SLC35F5: variants seen among roughly 807,000 people sequenced by gnomAD.
SLC35F5 encodes solute carrier family 35 member F5, also known as HCV NS5A-transactivated protein 3.
A neutral mutation model predicts 68.6 loss-of-function variants in SLC35F5; 54 were observed. The observed-to-expected ratio is 0.79, with a 90% confidence interval of 0.63 to 0.99. The LOEUF is 0.99. Ranked by LOEUF, SLC35F5 falls within the 50% of genes least tolerant of loss-of-function variation. The pLI is 0.00. For synonymous variants in SLC35F5, 211 were observed against 205.2 expected, an observed-to-expected ratio of 1.03 and a Z score of -0.24; for missense variants, 567 against 626.9, an observed-to-expected ratio of 0.90 and a Z score of 1.02.
chr2:113,731,739 A>C, intron 9 of SLC35F5, 91 bp from the exon 10 acceptor site: 1 of 987,110 alleles, frequency 1.0e-6, no homozygotes, highest in East Asian at 2.4e-5. Flanking sequence ...ATCAAGACTA[A>C]TCTCAACTTT....
chr2:113,756,456 C>G lies in SLC35F5; in HGVS notation c.-47G>C, dbSNP rs1338237011. The G allele has an allele frequency of 6.5e-7, 1 of 1,537,036 alleles. No individual in the cohort carries two copies. Among genetic ancestry groups the G allele is most frequent in the Middle Eastern group, 1.8e-4 (1 of 5,420 alleles). On this transcript the variant is annotated 5_prime_UTR_variant, in exon 1 of 16. Coordinates refer to ENST00000245680, the MANE Select transcript of SLC35F5 (RefSeq NM_025181.5). ...CAGCCGCCCAGCGCCACGGCCGCGG[C>G]CTCGGACTCACAGAGCTGTCACCGC... is the stretch of plus-strand genomic sequence containing the variant.
chr2:113,748,626 A>G (rs1291776129), intron 4 of SLC35F5, among the ~76,000 whole-genome samples: 1 of 152,180 alleles, frequency 6.6e-6, no homozygotes, highest in African/African-American at 2.4e-5. Context: ...CTATACTAAT[A>G]CACATACAAT....
intron 6 of SLC35F5, among the ~76,000 whole-genome samples, chr2:113,743,272 G>C (rs1260906167): frequency 1.3e-5 from 2 of 152,112 alleles, no homozygotes; most frequent in African/African-American, 4.8e-5. Flanking sequence ...CAAGCACGCA[G>C]AACAATTCTC....
chr2:113,754,162 T>C (rs4849272), intron 3 of SLC35F5, among the ~76,000 whole-genome samples: 74,777 of 151,448 alleles, frequency 0.49, 19,086 homozygotes, highest in Middle Eastern at 0.66. Context: ...TGGTGGGGTG[T>C]GCCTGTAATC....
rs886210426 is a variant in SLC35F5 at position 113,713,663 on chromosome 2, T to C, written c.*1555A>G. The C allele has an allele frequency of 2.0e-5, 3 of 149,018 alleles. No homozygotes were observed. The highest frequency in any genetic ancestry group is 7.5e-5 in the African/African-American group (3 of 40,178). 9.2% of individuals were successfully genotyped at this position (149,018 alleles called of 1,614,324 possible). The stretch of plus-strand genomic sequence containing the variant: ...TGTTGAGCTAAACAGGTCAAAAGTA[T>C]AATAAACTCAACATTATTTTTAACT... On this transcript the variant is annotated 3_prime_UTR_variant, in exon 16 of 16. Coordinates refer to ENST00000245680, the MANE Select transcript of SLC35F5 (RefSeq NM_025181.5).
intron 3 of SLC35F5, among the ~76,000 whole-genome samples, chr2:113,751,593 T>A (rs1040399642): frequency 1.3e-5 from 2 of 151,906 alleles, no homozygotes; most frequent in Non-Finnish European, 2.9e-5. Flanking sequence ...GTGGATCACT[T>A]GAAGTCAGGA....
chr2:113,716,955 G>C (rs1445355053), intron 15 of SLC35F5, among the ~76,000 whole-genome samples: 1 of 152,184 alleles, frequency 6.6e-6, no homozygotes, highest in Non-Finnish European at 1.5e-5. Context: ...GACAGGAGTT[G>C]TACAATGTTC....
Position 113,708,878 on chromosome 2 carries a change from A to T in SLC35F5, c.*6340T>A, listed in dbSNP as rs1164390794. Among the ~76,000 whole-genome samples the T allele has an allele frequency of 6.6e-6, 1 of 152,208 alleles. No homozygotes were observed. The highest frequency in any genetic ancestry group is 1.5e-5 in the Non-Finnish European group (1 of 68,038). The stretch of plus-strand genomic sequence containing the variant: ...CCTTTTGAACATGCATTAGGTAACC[A>T]GGGGGCAACAGAGTAGGGACTAATA... On this transcript the variant is annotated 3_prime_UTR_variant, in exon 16 of 16. Transcript: ENST00000245680.
intron 3 of SLC35F5, among the ~76,000 whole-genome samples, chr2:113,751,735 A>G (rs1450404120): frequency 6.6e-6 from 1 of 152,006 alleles, no homozygotes; most frequent in Middle Eastern, 3.4e-3. Flanking sequence ...ACTTGAACCC[A>G]GGAGTCAGAG....
At chr2:113,747,949 G>T (rs60896642) in intron 4 of SLC35F5, among the ~76,000 whole-genome samples, 4 of 152,030 alleles carry the variant, frequency 2.6e-5, no homozygotes, top group Admixed American at 1.3e-4. Flanking sequence ...AAAATTAGCC[G>T]GGCATGGTGG....
downstream of SLC35F5, chr2:113,704,008 G>A (rs7599832): frequency 0.25 from 37,494 of 152,618 alleles, 4,988 homozygotes; most frequent in Middle Eastern, 0.5. Context: ...TCCTTCTGGT[G>A]GGTTCGTGGT....
rs368083148 is a variant in SLC35F5 at position 113,742,774 on chromosome 2, T to G, written c.668A>C (p.Lys223Thr). The change falls in exon 7 of 16, where the codon AAA becomes ACA. Residue 223 changes from lysine (K) to threonine (T), a missense_variant. Transcript: ENST00000245680. Reference protein sequence around the residue: ...AKLSRMSYPVKEQESILKTVG... With the variant: ...AKLSRMSYPVTEQESILKTVG... ...AGTTTTCAGTATGGATTCTTGTTCT[T>G]TCACAGGATATGACATGCGAGACAA... 7 of 1,614,054 alleles carry G rather than the reference T, an allele frequency of 4.3e-6. No homozygotes were observed. The African/African-American group carries it at 9.3e-5, about 22-fold the overall frequency.
chr2:113,717,615 G>T, intron 15 of SLC35F5, 138 bp downstream of exon 15: 1 of 545,524 alleles, frequency 1.8e-6, no homozygotes, highest in Non-Finnish European at 3.2e-6. Context: ...GGAGAAGACG[G>T]AACTGGAGTC....
At chr2:113,738,482 T>C (rs1370319687) in intron 7 of SLC35F5, among the ~76,000 whole-genome samples, 1 of 151,992 alleles carries the variant, frequency 6.6e-6, no homozygotes, top group African/African-American at 2.4e-5. Flanking sequence ...AAATGTACTA[T>C]ATATATATTC....
chr2:113,717,641 T>G, intron 15 of SLC35F5, 112 bp downstream of exon 15: 1 of 669,412 alleles, frequency 1.5e-6, no homozygotes, highest in Non-Finnish European at 2.4e-6. Context: ...TTTAGCCCCT[T>G]TAGCCTCTAA....
intron 1 of SLC35F5, 171 bp downstream of exon 1, chr2:113,756,199 G>A: frequency 6.7e-7 from 1 of 1,489,242 alleles, no homozygotes; most frequent in South Asian, 1.3e-5. Flanking sequence ...CCAGCGGTGG[G>A]CGCAGGGCTC....
Position 113,718,922 on chromosome 2 carries a change from A to G in SLC35F5, c.1496+232T>C, listed in dbSNP as rs867946072. ...GAAAGAAAGAAAGAAAGAAAGAAAGAAAGAAAAAGAAAGGAAGAAAGGAAG... is the reference window on the plus strand; with the variant it reads ...GAAAGAAAGAAAGAAAGAAAGAAAGGAAGAAAAAGAAAGGAAGAAAGGAAG... On this transcript the variant is annotated intron_variant, in intron 14 of 15. Coordinates refer to ENST00000245680, the MANE Select transcript of SLC35F5 (RefSeq NM_025181.5). Among the ~76,000 whole-genome samples the G allele has an allele frequency of 7.1e-3, 324 of 45,906 alleles. 2 individuals carry two copies. The highest frequency in any genetic ancestry group is 0.019 in the African/African-American group (305 of 15,690). 30.1% of individuals were successfully genotyped at this position (45,906 alleles called of 152,430 possible).
At chr2:113,736,944 T>C (rs1688119549) in intron 7 of SLC35F5, among the ~76,000 whole-genome samples, 2 of 152,174 alleles carry the variant, frequency 1.3e-5, no homozygotes, top group Non-Finnish European at 1.5e-5. Context: ...GATAACACTT[T>C]TTTACTATCT....
intron 13 of SLC35F5, chr2:113,719,639 T>G (rs1294813451): frequency 5.9e-6 from 1 of 168,662 alleles, no homozygotes; most frequent in African/African-American, 2.4e-5. Context: ...CACACCATGT[T>G]GCTCATTTCT....
Sources: gnomAD v4.1 joint callset for allele counts (sites outside exome capture counted in the v4.1 genomes callset) on GRCh38, gnomAD v4.1.1 for gene constraint, MANE v1.5 for transcripts, NCBI Gene and HGNC (gene_info 2026-07-23, HGNC 2026-07-21) for gene names.